The following CLDN16 variants were observed in gnomAD, a reference collection of about 807,000 sequenced individuals.
CLDN16 encodes claudin-16.
In CLDN16, 13 loss-of-function variants were observed where a neutral mutation model predicts 24.6. The ratio of observed to expected loss-of-function variants is 0.53; its 90% CI spans 0.34 to 0.84. The LOEUF (loss-of-function observed/expected upper bound fraction) is 0.84. Among genes scored for constraint, CLDN16 ranks in the 40% least tolerant of loss-of-function variants. The pLI, the probability that CLDN16 is intolerant of heterozygous loss-of-function variation, is 0.01. For synonymous variants in CLDN16, 116 were observed against 106.7 expected, an observed-to-expected ratio of 1.09 and a Z score of -0.54; for missense variants, 298 against 292.7, an observed-to-expected ratio of 1.02 and a Z score of -0.13.
intron 1 of CLDN16, among the ~76,000 whole-genome samples, chr3:190,338,045 C>A (rs951116055): frequency 6.6e-6 from 1 of 152,182 alleles, no homozygotes; most frequent in African/African-American, 2.4e-5. Context: ...CCTAAACCAA[C>A]AGCCATTACA....
intron 1 of CLDN16, among the ~76,000 whole-genome samples, chr3:190,340,759 C>A (rs1560082521): frequency 6.6e-6 from 1 of 152,124 alleles, no homozygotes; most frequent in Non-Finnish European, 1.5e-5. Flanking sequence ...ACAAGGCAAG[C>A]CCCTTCTGTC....
At chr3:190,406,731 T>G (rs1039416830) in intron 3 of CLDN16, among the ~76,000 whole-genome samples, 2 of 149,208 alleles carry the variant, frequency 1.3e-5, no homozygotes, top group African/African-American at 5.0e-5. Context: ...TATGTGTTTA[T>G]TATCTGGCTT....
chr3:190,407,132 A>G (rs1719125975), intron 3 of CLDN16, among the ~76,000 whole-genome samples: 1 of 152,140 alleles, frequency 6.6e-6, no homozygotes, highest in African/African-American at 2.4e-5. Context: ...CTATCTAGGG[A>G]AAAAAATGTA....
At chr3:190,402,469 C>T (rs1226192802) in intron 2 of CLDN16, 30 bp downstream of exon 2, 1 of 1,530,170 alleles carries the variant, frequency 6.5e-7, no homozygotes, top group Admixed American at 1.7e-5. Context: ...CACTGCTTGC[C>T]AGGAAGGGAA....
intron 1 of CLDN16, among the ~76,000 whole-genome samples, chr3:190,370,515 CTTG>C (rs1718116025): frequency 6.6e-6 from 1 of 151,992 alleles, no homozygotes; most frequent in Admixed American, 6.6e-5. Flanking sequence ...TGTGGCCATG[CTTG>C]TTGTGCATAA....
At chr3:190,350,276 G>T (rs1717642338) in intron 1 of CLDN16, among the ~76,000 whole-genome samples, 4 of 150,942 alleles carry the variant, frequency 2.7e-5, no homozygotes, top group Admixed American at 6.6e-5. Flanking sequence ...CCCAAAGTCT[G>T]GTGTGAAATG....
intron 4 of CLDN16, 61 bp from the exon 5 acceptor site, chr3:190,409,842 G>A (rs1577433963): frequency 6.9e-7 from 1 of 1,456,172 alleles, no homozygotes; most frequent in Non-Finnish European, 9.6e-7. Flanking sequence ...ATATAAAATG[G>A]TATTTTATAA....
intron 1 of CLDN16, among the ~76,000 whole-genome samples, chr3:190,392,826 A>G (rs953841219): frequency 6.6e-6 from 1 of 152,210 alleles, no homozygotes; most frequent in Non-Finnish European, 1.5e-5. Context: ...GGGTTGGGTC[A>G]TTAAGAGTTT....
intron 1 of CLDN16, among the ~76,000 whole-genome samples, chr3:190,331,659 G>A (rs1717182549): frequency 6.6e-6 from 1 of 152,140 alleles, no homozygotes; most frequent in Non-Finnish European, 1.5e-5. Context: ...GTTCTAAAAT[G>A]TATTTGACTA....
At chr3:190,383,134 C>G (rs985350032), upstream of CLDN16, among the ~76,000 whole-genome samples, 1 of 152,010 alleles carries the variant, frequency 6.6e-6, no homozygotes, top group African/African-American at 2.4e-5. Context: ...AGTTTTGCAG[C>G]CCCTAGTGGA....
At chr3:190,405,428 GAAAAA>G (rs542527344) in intron 3 of CLDN16, among the ~76,000 whole-genome samples, 2 of 81,154 alleles carry the variant, frequency 2.5e-5, no homozygotes, top group Admixed American at 1.6e-4. Flanking sequence ...CCGTCTCACG[GAAAAA>G]AAAAAAAAAA....
rs544538250 is a variant in CLDN16, at chr3:190,410,466, A to G, written c.*430A>G. 1 of 163,684 alleles carries G rather than the reference A, an allele frequency of 6.1e-6. No individual in the cohort carries two copies. Among genetic ancestry groups the G allele is most frequent in the East Asian group, 1.7e-4 (1 of 5,842 alleles). 10.1% of individuals were successfully genotyped at this position (163,684 alleles called of 1,614,324 possible). ...TTTTGGTTCACTTTTTGTACTTTTA[A>G]CAAGTGGGTGAATTATTTGATAATT... On this transcript the variant is annotated 3_prime_UTR_variant, in exon 5 of 5. Coordinates refer to ENST00000264734, the MANE Select transcript of CLDN16 (RefSeq NM_006580.4).
intron 3 of CLDN16, among the ~76,000 whole-genome samples, chr3:190,406,970 G>C (rs1020960221): frequency 2.6e-5 from 4 of 152,132 alleles, no homozygotes; most frequent in South Asian, 2.1e-4. Flanking sequence ...TCAATCTCTT[G>C]ACCTCGTGAT....
intron 1 of CLDN16, among the ~76,000 whole-genome samples, chr3:190,395,919 A>G (rs1364681827): frequency 6.6e-6 from 1 of 152,180 alleles, no homozygotes; most frequent in Non-Finnish European, 1.5e-5. Flanking sequence ...ATAGACACAC[A>G]CACAGACATA....
chr3:190,355,483 A>G (rs1480285311), intron 1 of CLDN16, among the ~76,000 whole-genome samples: 1 of 151,842 alleles, frequency 6.6e-6, no homozygotes, highest in Non-Finnish European at 1.5e-5. Context: ...TCTAATTAAA[A>G]CTACTTGAGA....
At chr3:190,406,599 A>G (rs991266213) in intron 3 of CLDN16, among the ~76,000 whole-genome samples, 6 of 152,184 alleles carry the variant, frequency 3.9e-5, no homozygotes, top group African/African-American at 1.4e-4. Context: ...AGTGTGCTAT[A>G]AAATTTATTT....
At chr3:190,341,652 G>A (rs139480153) in intron 1 of CLDN16, among the ~76,000 whole-genome samples, 161 of 152,182 alleles carry the variant, frequency 1.1e-3, no homozygotes, top group African/African-American at 3.7e-3. Flanking sequence ...ATTAATATTC[G>A]GCTTCTCATT....
chr3:190,336,553 G>C (rs1269918039), intron 1 of CLDN16, among the ~76,000 whole-genome samples: 1 of 152,208 alleles, frequency 6.6e-6, no homozygotes, highest in African/African-American at 2.4e-5. Context: ...CGTTTTCAGT[G>C]AGGCCCTGAG....
At chr3:190,382,692 G>A (rs568777174) in intron 3 of CLDN16, among the ~76,000 whole-genome samples, 1 of 152,192 alleles carries the variant, frequency 6.6e-6, no homozygotes, top group Non-Finnish European at 1.5e-5. Context: ...ATTCTCTGAA[G>A]CCTGCCAGAA....
Sources: gnomAD v4.1 joint callset for allele counts (sites outside exome capture counted in the v4.1 genomes callset) on GRCh38, gnomAD v4.1.1 for gene constraint, MANE v1.5 for transcripts, NCBI Gene and HGNC (gene_info 2026-07-23, HGNC 2026-07-21) for gene names.